COL16A1: variants seen among roughly 807,000 people sequenced by gnomAD.
COL16A1 encodes the protein collagen type XVI alpha 1 chain, also known as collagen alpha-1(XVI) chain.
COL16A1 carries 189 observed loss-of-function variants against 266.3 expected under a neutral mutation model. That is an observed-to-expected ratio of 0.71 (90% CI 0.63 to 0.80). The LOEUF (loss-of-function observed/expected upper bound fraction) is 0.80, where lower values mean the gene tolerates loss of function less well. Among genes scored for constraint, COL16A1 ranks in the 30% least tolerant of loss-of-function variants. The probability of loss-of-function intolerance (pLI) is 0.00; values close to 1 mark genes in which losing one functional copy is unlikely to be tolerated. For synonymous variants in COL16A1, 740 were observed against 782.3 expected, an observed-to-expected ratio of 0.95 and a Z score of 0.90; for missense variants, 1,928 against 2,122.4, an observed-to-expected ratio of 0.91 and a Z score of 1.80.
chr1:31,675,260 G>A lies in COL16A1; in HGVS notation c.2824C>T (p.Leu942=), dbSNP rs1306917121. 1.9e-5 allele frequency: 31 copies of A among 1,614,222 alleles called. No individual in the cohort carries two copies. Among genetic ancestry groups the A allele is most frequent in the Non-Finnish European group, 2.6e-5 (31 of 1,180,036 alleles). Residue 942 remains leucine, a splice_region_variant and synonymous_variant, in exon 43 of 71, where the codon CTG becomes TTG. Coordinates refer to ENST00000373672, the MANE Select transcript of COL16A1 (RefSeq NM_001856.4). ...AGGGAGTCCTGGCCAGTACCCACCAGTTCTGCAGTGAGCCCAGGCTGTCCT... is the reference window on the plus strand; with the variant it reads ...AGGGAGTCCTGGCCAGTACCCACCAATTCTGCAGTGAGCCCAGGCTGTCCT... ...LPGQPGLTAE[L]GSLPIEQHLL...
intron 23 of COL16A1, 168 bp downstream of exon 23, chr1:31,689,573 C>G: frequency 1.6e-6 from 1 of 637,510 alleles, no homozygotes; most frequent in Non-Finnish European, 2.8e-6. Flanking sequence ...GCCCTGAGTT[C>G]TATGGTTCAG....
In COL16A1 at chr1:31,690,471, C is replaced by A; in HGVS notation, c.1482+58G>T. The A allele has an allele frequency of 1.9e-6, 3 of 1,614,174 alleles. No homozygotes were observed. The South Asian group carries it at 3.3e-5, about 18-fold the overall frequency. On this transcript the variant is annotated intron_variant, in intron 21 of 70. Transcript: ENST00000373672. ...CAACTGAGGGCCGGAGGACCTAGCC[C>A]CTCCCTCCAGAGGCCTTGGAAGAGC...
At chr1:31,689,252 A>T in intron 23 of COL16A1, 167 bp from the exon 24 acceptor site, 1 of 1,135,590 alleles carries the variant, frequency 8.8e-7, no homozygotes, top group Non-Finnish European at 1.2e-6. Flanking sequence ...ATCAACCCAC[A>T]TAACAAGCAG....
At chr1:31,673,100 A>G (rs2148717337) in intron 44 of COL16A1, 2 of 547,932 alleles carry the variant, frequency 3.7e-6, no homozygotes, top group Non-Finnish European at 6.7e-6. Context: ...CCAGACAGGC[A>G]TGTGGGTGGA....
At chr1:31,703,669 T>C (rs533702807) in intron 1 of COL16A1, among the ~76,000 whole-genome samples, 168 bp downstream of exon 1, 1 of 152,270 alleles carries the variant, frequency 6.6e-6, no homozygotes, top group South Asian at 2.1e-4. Flanking sequence ...GGCATAGATT[T>C]GGGCGCAGGG....
In COL16A1 at chr1:31,652,507, G is replaced by C. The variant is rs930118987; in HGVS notation, c.*144C>G. On this transcript the variant is annotated 3_prime_UTR_variant, in exon 71 of 71. Coordinates refer to ENST00000373672, the MANE Select transcript of COL16A1 (RefSeq NM_001856.4). This position sits in a 1 kb window ranked among gnomAD's most constrained non-coding sequence, Gnocchi z 4.8. ...TGGAAGGGAAAGGGCAGATAGTTTT[G>C]TTTCTTTATTATTTAAAAAATATTA... The C allele has an allele frequency of 5.0e-5, 51 of 1,021,478 alleles. No homozygotes were observed. The highest frequency in any genetic ancestry group is 2.3e-4 in the Admixed American group (6 of 26,460). 63.3% of individuals were successfully genotyped at this position (1,021,478 alleles called of 1,614,324 possible).
chr1:31,684,110 G>A lies in COL16A1; in HGVS notation c.2282C>T (p.Pro761Leu). 1 of 1,591,168 alleles carries A rather than the reference G, an allele frequency of 6.3e-7. No homozygotes were observed. Among genetic ancestry groups the A allele is most frequent in the East Asian group, 2.3e-5 (1 of 44,172 alleles). ...AGGGCCGGAGGGCAGGCAACTCACG[G>A]GTTTACCAGGTCGGCCCACGCCTTC... ...GPEGVGRPGKPGQPGLPGVQG... is the reference protein window; with the variant it reads ...GPEGVGRPGKLGQPGLPGVQG... Residue 761 changes from proline to leucine, a missense_variant and splice_region_variant, in exon 32 of 71, where the codon CCC becomes CTC. This residue lies in a region of COL16A1 where 1,552 missense variants were observed against 1,637.2 expected (regional missense o/e 0.95). Transcript: ENST00000373672.
chr1:31,701,409 C>A, intron 2 of COL16A1: 1 of 985,452 alleles, frequency 1.0e-6, no homozygotes, highest in Non-Finnish European at 1.2e-6. Flanking sequence ...ATCCCTTTCA[C>A]CTCAGCTTCT....
rs191897052 is a variant in COL16A1 at position 31,698,471 on chromosome 1, G to A, written c.390+12C>T. The A allele has an allele frequency of 5.8e-5, 93 of 1,614,038 alleles. 1 individual carries two copies. Among genetic ancestry groups the A allele is most frequent in the Middle Eastern group, 1.7e-4 (1 of 6,060 alleles). On this transcript the variant is annotated intron_variant, in intron 5 of 70. Coordinates refer to ENST00000373672, the MANE Select transcript of COL16A1 (RefSeq NM_001856.4). The surrounding 1 kb of genome is among the most constrained non-coding windows in gnomAD (Gnocchi z 4.1). ...TGCCCTAAGAGGCAATCAGGGCACA[G>A]GGGAGGTTCACCTGTGGATACCCAT...
chr1:31,654,713 G>GA (rs1273191648), intron 68 of COL16A1, 79 bp downstream of exon 68: 1 of 1,610,244 alleles, frequency 6.2e-7, no homozygotes, highest in Non-Finnish European at 8.5e-7. Flanking sequence ...GCGTTAAGGA[G>GA]AAAGAGGCCA....
chr1:31,657,462 G>A lies in COL16A1; in HGVS notation c.4021-394C>T, dbSNP rs758294682. ...CCAGCAAGGCAGCCTCTCTTCTGGT[G>A]GCTGCTGGGGAAGAGGACTCTGATT... On this transcript the variant is annotated intron_variant, in intron 64 of 70. Transcript: ENST00000373672. This position sits in a 1 kb window ranked among gnomAD's most constrained non-coding sequence, Gnocchi z 6.4. 3 of 207,494 alleles carry A rather than the reference G, an allele frequency of 1.4e-5. No individual in the cohort carries two copies. Among genetic ancestry groups the A allele is most frequent in the Non-Finnish European group, 9.8e-6 (1 of 102,248 alleles). 12.9% of individuals were successfully genotyped at this position (207,494 alleles called of 1,614,324 possible).
At position 31,668,348 on chromosome 1, in the gene COL16A1, C is replaced by T. The variant is rs1198195185; in HGVS notation, c.3250-130G>A. 1 of 927,258 alleles carries T rather than the reference C, an allele frequency of 1.1e-6. No individual in the cohort carries two copies. Among genetic ancestry groups the T allele is most frequent in the Non-Finnish European group, 1.7e-6 (1 of 589,850 alleles). 57.4% of individuals were successfully genotyped at this position (927,258 alleles called of 1,614,324 possible). A position where few individuals can be genotyped will look rare whatever the true frequency, so the allele number is the denominator to read the frequency against. ...CAGGTGCCAGCCTGCCCCAGCATTG[C>T]ACACTGGGCCATCTCCCCAAGCCCC... On this transcript the variant is annotated intron_variant, in intron 50 of 70. Coordinates refer to ENST00000373672, the MANE Select transcript of COL16A1 (RefSeq NM_001856.4). This position sits in a 1 kb window ranked among gnomAD's most constrained non-coding sequence, Gnocchi z 5.8.
Position 31,661,359 on chromosome 1 carries a change from G to A in COL16A1, c.3771+55C>T, listed in dbSNP as rs141349656. The stretch of plus-strand genomic sequence containing the variant: ...GATAGGCTGCCATGTATGCCTGGGG[G>A]CAAGCCTTCAGGAGAGCAGAGATAA... On this transcript the variant is annotated intron_variant, in intron 60 of 70. Coordinates refer to ENST00000373672, the MANE Select transcript of COL16A1 (RefSeq NM_001856.4). 5.9e-4 allele frequency: 949 copies of A among 1,612,942 alleles called. 24 individuals are homozygous for A. The East Asian group carries it at 0.021, about 35-fold the overall frequency.
intron 49 of COL16A1, among the ~76,000 whole-genome samples, chr1:31,669,479 G>C (rs1642454333): frequency 6.6e-6 from 1 of 152,030 alleles, no homozygotes; most frequent in Non-Finnish European, 1.5e-5. Flanking sequence ...AGCCTTTGCA[G>C]GTGCCATGCC....
rs1644102991 is a variant in COL16A1 at position 31,688,541 on chromosome 1, C to T, written c.1768-39G>A. Reference sequence around the variant, plus strand: ...AAGACAGAGTCTCAGCATCTCCCCACTCCCACCTCTCCAAGGCTCCCCGGG... The same window carrying T: ...AAGACAGAGTCTCAGCATCTCCCCATTCCCACCTCTCCAAGGCTCCCCGGG... On this transcript the variant is annotated intron_variant, in intron 25 of 70. Transcript: ENST00000373672. This position sits in a 1 kb window ranked among gnomAD's most constrained non-coding sequence, Gnocchi z 4.9. 6.2e-7 allele frequency: 1 copy of T among 1,613,960 alleles called. No individual in the cohort carries two copies. Among genetic ancestry groups the T allele is most frequent in the Non-Finnish European group, 8.5e-7 (1 of 1,179,840 alleles).
chr1:31,657,286 G>A lies in COL16A1; in HGVS notation c.4021-218C>T, dbSNP rs181977756. The A allele has an allele frequency of 4.0e-4, 241 of 598,568 alleles. No homozygotes were observed. Among genetic ancestry groups the A allele is most frequent in the Non-Finnish European group, 5.6e-4 (189 of 336,322 alleles). 37.1% of individuals were successfully genotyped at this position (598,568 alleles called of 1,614,324 possible). ...AGAGCCCCAACAGCTCCCAGCCCCC[G>A]TCTACAAGAGCTTTACAAGGGAAGA... On this transcript the variant is annotated intron_variant, in intron 64 of 70. Transcript: ENST00000373672. This position sits in a 1 kb window ranked among gnomAD's most constrained non-coding sequence, Gnocchi z 6.4.
rs748600602 is a variant in COL16A1, at chr1:31,692,661, T to C, written c.1114-19A>G. On this transcript the variant is annotated intron_variant, in intron 14 of 70. Transcript: ENST00000373672. ...CTGCACACTGAACAGGGGAACACAG[T>C]GTTGAGAGGGGCAGAGGGTCACCTG... 1 of 1,613,958 alleles carries C rather than the reference T, an allele frequency of 6.2e-7. No homozygotes were observed. The highest frequency in any genetic ancestry group is 1.1e-5 in the South Asian group (1 of 91,078).
intron 23 of COL16A1, 93 bp downstream of exon 23, chr1:31,689,648 C>T: frequency 1.0e-6 from 1 of 997,872 alleles, no homozygotes; most frequent in East Asian, 2.4e-5. Context: ...CGAGAAGTAC[C>T]CAGCCCCTCT....
chr1:31,698,017 C>T lies in COL16A1; in HGVS notation c.546G>A (p.Val182=), dbSNP rs760309294. 3.7e-6 allele frequency: 6 copies of T among 1,613,500 alleles called. No homozygotes were observed. In the East Asian group the frequency reaches 1.3e-4, roughly 36 times the overall value. ...AGGAGGCTGAGCTGCAGTCCACGTG[C>T]ACAGAGGCCACACGTCCAGCCACAC... is the stretch of plus-strand genomic sequence containing the variant. ...MLSVAGRVAS[V]HVDCSSASSQ... is the part of the protein sequence containing the mutation. Residue 182 remains valine, a synonymous_variant, in exon 6 of 71, where the codon GTG becomes GTA. Transcript: ENST00000373672. This position sits in a 1 kb window ranked among gnomAD's most constrained non-coding sequence, Gnocchi z 4.1.
Sources: gnomAD v4.1 joint callset for allele counts (sites outside exome capture counted in the v4.1 genomes callset) on GRCh38, gnomAD v4.1.1 for gene constraint, gnomAD v4.1.1 regional missense constraint, Gnocchi (gnomAD v3.1) non-coding constraint, MANE v1.5 for transcripts, NCBI Gene and HGNC (gene_info 2026-07-23, HGNC 2026-07-21) for gene names.